The following OTUD7A variants were observed in gnomAD, a reference collection of about 807,000 sequenced individuals.
OTUD7A encodes the protein OTU domain-containing protein 7A.
A neutral mutation model predicts 65.7 loss-of-function variants in OTUD7A; 12 were observed. The observed-to-expected ratio is 0.18, with a 90% CI of 0.12 to 0.30. The LOEUF (loss-of-function observed/expected upper bound fraction) is 0.30, where lower values mean the gene tolerates loss of function less well. Ranked by LOEUF, OTUD7A falls within the 10% of genes least tolerant of loss-of-function variation. The pLI, the probability that OTUD7A is intolerant of heterozygous loss-of-function variation, is 1.00. For synonymous variants in OTUD7A, 641 were observed against 586.3 expected, an observed-to-expected ratio of 1.09 and a Z score of -1.35; for missense variants, 1,148 against 1,304.8, an observed-to-expected ratio of 0.88 and a Z score of 1.85.
At position 31,837,537 on chromosome 15, in the gene OTUD7A, C is replaced by T. The variant is rs572964796; in HGVS notation, c.-100+32970G>A. 4.1e-4 allele frequency among the ~76,000 whole-genome samples: 63 copies of T among 151,898 alleles called. 1 individual carries two copies. Among genetic ancestry groups the T allele is most frequent in the South Asian group, 3.7e-3 (18 of 4,802 alleles). Reference sequence around the variant, plus strand: ...CTCCAGCCTGGGTGACAGAGCAAGACTCCATCTCAAAAAAAAATAAATAAA... The same window carrying T: ...CTCCAGCCTGGGTGACAGAGCAAGATTCCATCTCAAAAAAAAATAAATAAA... On this transcript the variant is annotated intron_variant, in intron 1 of 12. Coordinates refer to ENST00000307050, the MANE Select transcript of OTUD7A (RefSeq NM_001382637.1).
intron 1 of OTUD7A, among the ~76,000 whole-genome samples, chr15:31,730,967 A>C (rs572272063): frequency 2.0e-4 from 31 of 152,328 alleles, no homozygotes; most frequent in African/African-American, 7.5e-4. Flanking sequence ...TCAAAGGAAA[A>C]ACTACAAAAT....
intron 3 of OTUD7A, among the ~76,000 whole-genome samples, chr15:31,575,598 T>C (rs1889181257): frequency 6.6e-6 from 1 of 152,132 alleles, no homozygotes; most frequent in African/African-American, 2.4e-5. Context: ...CTGAACTCTG[T>C]GACATAGCTT....
intron 3 of OTUD7A, among the ~76,000 whole-genome samples, chr15:31,592,597 G>A (rs1295314574): frequency 6.6e-6 from 1 of 151,802 alleles, no homozygotes; most frequent in Non-Finnish European, 1.5e-5. Flanking sequence ...AAATATATAA[G>A]TAGGGCCGCG....
At chr15:31,530,987 A>C (rs929496275) in intron 5 of OTUD7A, among the ~76,000 whole-genome samples, 179 bp from the exon 6 acceptor site, 1 of 152,230 alleles carries the variant, frequency 6.6e-6, no homozygotes, top group Non-Finnish European at 1.5e-5. Context: ...TTTGAGGACA[A>C]GAAGTGGCCA....
At chr15:31,616,970 G>A (rs1335432077) in intron 3 of OTUD7A, among the ~76,000 whole-genome samples, 2 of 152,106 alleles carry the variant, frequency 1.3e-5, no homozygotes, top group Non-Finnish European at 2.9e-5. Context: ...TCTGAGTACC[G>A]ATCTCAAACA....
intron 1 of OTUD7A, among the ~76,000 whole-genome samples, chr15:31,660,616 G>A (rs1306905838): frequency 6.6e-6 from 1 of 152,218 alleles, no homozygotes; most frequent in Non-Finnish European, 1.5e-5. Flanking sequence ...AATTTGGACT[G>A]TGATGAAGCA....
At chr15:31,844,588 C>T (rs1020442641) in intron 1 of OTUD7A, among the ~76,000 whole-genome samples, 36 of 152,228 alleles carry the variant, frequency 2.4e-4, no homozygotes, top group Non-Finnish European at 5.9e-5. Flanking sequence ...GGCCTCCTAA[C>T]AGCCTGCTGT....
rs562439025 is a variant in OTUD7A, at chr15:31,646,851, C to T, written c.151+8245G>A. Among the ~76,000 whole-genome samples the T allele has an allele frequency of 9.2e-5, 14 of 152,204 alleles. No individual in the cohort carries two copies. The South Asian group carries it at 2.9e-3, about 32-fold the overall frequency. The stretch of plus-strand genomic sequence containing the variant: ...GATGGTACCTGGGGGTTACAAGCTT[C>T]CCCAATAGGAAGGAAATAAGATCTA... On this transcript the variant is annotated intron_variant, in intron 3 of 12. Coordinates refer to ENST00000307050, the MANE Select transcript of OTUD7A (RefSeq NM_001382637.1).
At chr15:31,730,689 AT>A (rs1894016322) in intron 1 of OTUD7A, among the ~76,000 whole-genome samples, 1 of 152,170 alleles carries the variant, frequency 6.6e-6, no homozygotes, top group Admixed American at 6.5e-5. Flanking sequence ...CAATGCTACT[AT>A]TTCTCAACTG....
chr15:31,645,937 C>T (rs28399921), intron 3 of OTUD7A, among the ~76,000 whole-genome samples: 3,209 of 151,930 alleles, frequency 0.021, 100 homozygotes, highest in African/African-American at 0.073. Context: ...AGGCCCTCAA[C>T]GCCTGCTTGG....
intron 1 of OTUD7A, among the ~76,000 whole-genome samples, chr15:31,721,077 T>C (rs1893724117): frequency 6.6e-6 from 1 of 152,274 alleles, no homozygotes; most frequent in South Asian, 2.1e-4. Flanking sequence ...CATCTAGGTT[T>C]GTACAAGCAC....
Position 31,803,242 on chromosome 15 carries a change from T to C in OTUD7A, c.-100+67265A>G, listed in dbSNP as rs767079574. ...AGCATTTTCACATTTCCAGGACACA[T>C]TGCCTGCTGCCCAGGGCACTAGAAT... On this transcript the variant is annotated intron_variant, in intron 1 of 12. Coordinates refer to ENST00000307050, the MANE Select transcript of OTUD7A (RefSeq NM_001382637.1). Among the ~76,000 whole-genome samples the C allele has an allele frequency of 6.6e-5, 10 of 152,152 alleles. 1 individual carries two copies. Among genetic ancestry groups the C allele is most frequent in the South Asian group, 6.2e-4 (3 of 4,824 alleles).
At chr15:31,754,123 T>C (rs1328592421) in intron 1 of OTUD7A, among the ~76,000 whole-genome samples, 1 of 152,182 alleles carries the variant, frequency 6.6e-6, no homozygotes, top group Non-Finnish European at 1.5e-5. Flanking sequence ...ATTAGTGATG[T>C]TGAGCATTTT....
chr15:31,637,212 G>T (rs1440817203), intron 3 of OTUD7A, among the ~76,000 whole-genome samples: 1 of 152,216 alleles, frequency 6.6e-6, no homozygotes, highest in Non-Finnish European at 1.5e-5. Context: ...ATTGTAGCTG[G>T]TGACTTTAAG....
intron 1 of OTUD7A, among the ~76,000 whole-genome samples, chr15:31,738,280 G>A (rs1894247430): frequency 1.3e-5 from 2 of 152,134 alleles, no homozygotes; most frequent in Admixed American, 1.3e-4. Context: ...GGGGCCAGAT[G>A]AGGACCTCTG....
At chr15:31,740,297 G>A (rs548603287) in intron 1 of OTUD7A, among the ~76,000 whole-genome samples, 8 of 152,264 alleles carry the variant, frequency 5.3e-5, no homozygotes, top group South Asian at 2.1e-4. Flanking sequence ...TCGGGTTGCC[G>A]GAAGCCCCAG....
intron 1 of OTUD7A, among the ~76,000 whole-genome samples, chr15:31,868,025 C>T (rs1897925946): frequency 6.6e-6 from 1 of 152,228 alleles, no homozygotes. Context: ...GTTTAGCACG[C>T]CCCCTGCTGG....
chr15:31,550,267 C>A (rs1888278139), intron 5 of OTUD7A, among the ~76,000 whole-genome samples: 1 of 152,040 alleles, frequency 6.6e-6, no homozygotes, highest in Non-Finnish European at 1.5e-5. Flanking sequence ...CCACAGCAGG[C>A]TGCTTTCTGG....
intron 1 of OTUD7A, among the ~76,000 whole-genome samples, chr15:31,737,714 T>C (rs142843521): frequency 4.7e-4 from 71 of 152,328 alleles, no homozygotes; most frequent in African/African-American, 1.7e-3. Context: ...CTGGAGAAAG[T>C]CAGCATGCTT....
Sources: gnomAD v4.1 joint callset for allele counts (sites outside exome capture counted in the v4.1 genomes callset) on GRCh38, gnomAD v4.1.1 for gene constraint, MANE v1.5 for transcripts, NCBI Gene and HGNC (gene_info 2026-07-23, HGNC 2026-07-21) for gene names.